FOSL2: variants seen among roughly 807,000 people sequenced by gnomAD.
FOSL2 encodes the protein FOS like 2, AP-1 transcription factor subunit.
Under a neutral mutation model 27.7 loss-of-function variants are expected in FOSL2, and 3 were observed. That is an observed-to-expected ratio of 0.11 (90% CI 0.05 to 0.28). The LOEUF (loss-of-function observed/expected upper bound fraction) is 0.28, where lower values mean the gene tolerates loss of function less well. FOSL2 is among the 10% of genes least tolerant of loss of function. FOSL2 has a pLI of 1.00. For missense variants in FOSL2, 333 were observed against 445.1 expected, an observed-to-expected ratio of 0.75 and a Z score of 2.27; for synonymous variants, 179 against 190.1, an observed-to-expected ratio of 0.94 and a Z score of 0.48.
intron 1 of FOSL2, among the ~76,000 whole-genome samples, chr2:28,396,015 A>G (rs1663826754): frequency 6.6e-6 from 1 of 152,122 alleles, no homozygotes; most frequent in South Asian, 2.1e-4. Flanking sequence ...ACCTGTAATC[A>G]CTTTATTTCT....
chr2:28,403,807 C>T (rs964632628), intron 1 of FOSL2, among the ~76,000 whole-genome samples: 1 of 152,160 alleles, frequency 6.6e-6, no homozygotes, highest in Non-Finnish European at 1.5e-5. Context: ...CTGGGGACCA[C>T]GTCTATCTTG....
Position 28,413,817 on chromosome 2 carries a change from G to A in FOSL2, c.*1369G>A. ...AACAGCTGGCCTGAGCTGTCGCTGTGGCTTGTGGCTCATGCGCCATTCCTG... is the reference window on the plus strand; with the variant it reads ...AACAGCTGGCCTGAGCTGTCGCTGTAGCTTGTGGCTCATGCGCCATTCCTG... On this transcript the variant is annotated 3_prime_UTR_variant, in exon 4 of 4. Coordinates refer to ENST00000264716, the MANE Select transcript of FOSL2 (RefSeq NM_005253.4). 2.5e-6 allele frequency: 1 copy of A among 398,960 alleles called. No homozygotes were observed. The highest frequency in any genetic ancestry group is 3.6e-5 in the East Asian group (1 of 28,090). 24.7% of individuals were successfully genotyped at this position (398,960 alleles called of 1,614,324 possible). A position where few individuals can be genotyped will look rare whatever the true frequency, so the allele number is the denominator to read the frequency against.
intron 1 of FOSL2, chr2:28,396,805 C>CACACACACACACACACAA (rs1553376537): frequency 5.1e-4 from 76 of 149,124 alleles, no homozygotes; most frequent in African/African-American, 1.8e-3. Context: ...CACACACACA[C>CACACACACACACACACAA]ACACACACAC....
intron 2 of FOSL2, among the ~76,000 whole-genome samples, chr2:28,405,068 A>G (rs1664048860): frequency 6.6e-6 from 1 of 151,990 alleles, no homozygotes; most frequent in Admixed American, 6.5e-5. Context: ...GAAAATGGGG[A>G]AGGGGGGGCT....
At chr2:28,397,157 G>A (rs747023924) in intron 1 of FOSL2, 23 of 151,868 alleles carry the variant, frequency 1.5e-4, no homozygotes, top group Non-Finnish European at 2.5e-4. Flanking sequence ...AATAAAACCT[G>A]GTTAAAAAAG....
At position 28,393,484 on chromosome 2, in the gene FOSL2, C is replaced by T; in HGVS notation, c.-237C>T. The T allele has an allele frequency of 2.0e-6, 1 of 491,224 alleles. No homozygotes were observed. The highest frequency in any genetic ancestry group is 3.6e-6 in the Non-Finnish European group (1 of 276,800). 30.4% of individuals were successfully genotyped at this position (491,224 alleles called of 1,614,324 possible). On this transcript the variant is annotated 5_prime_UTR_variant, in exon 1 of 4. Transcript: ENST00000264716. This position sits in a 1 kb window ranked among gnomAD's most constrained non-coding sequence, Gnocchi z 4.6. Reference sequence around the variant, plus strand: ...GGAGGGATCGGGTGGACAACTGGTCCCGCGGCGCTCGCAGAGCCGGAAAGA... The same window carrying T: ...GGAGGGATCGGGTGGACAACTGGTCTCGCGGCGCTCGCAGAGCCGGAAAGA...
chr2:28,404,007 C>A lies in FOSL2; in HGVS notation c.103-100C>A. The stretch of plus-strand genomic sequence containing the variant: ...CCTTGCCCTTCGAACACTGACTGTG[C>A]TCTGTGCTGGTTTTTGCCTCAGCTC... On this transcript the variant is annotated intron_variant, in intron 1 of 3. Coordinates refer to ENST00000264716, the MANE Select transcript of FOSL2 (RefSeq NM_005253.4). This position sits in a 1 kb window ranked among gnomAD's most constrained non-coding sequence, Gnocchi z 4.7. 1 of 1,412,216 alleles carries A rather than the reference C, an allele frequency of 7.1e-7. No homozygotes were observed. Among genetic ancestry groups the A allele is most frequent in the Non-Finnish European group, 9.8e-7 (1 of 1,020,764 alleles). The allele number at this position is 1,412,216 out of a possible 1,614,324, so 87.5% of individuals were successfully genotyped here. A position where few individuals can be genotyped will look rare whatever the true frequency, so the allele number is the denominator to read the frequency against.
In FOSL2 at chr2:28,412,223, T is replaced by C; in HGVS notation, c.756T>C (p.Ala252=). 1 of 1,613,624 alleles carries C rather than the reference T, an allele frequency of 6.2e-7. No individual in the cohort carries two copies. Among genetic ancestry groups the C allele is most frequent in the Non-Finnish European group, 8.5e-7 (1 of 1,179,896 alleles). The change falls in exon 4 of 4, where the codon GCT becomes GCC. Residue 252 remains alanine (A), a synonymous_variant. Coordinates refer to ENST00000264716, the MANE Select transcript of FOSL2 (RefSeq NM_005253.4). This position sits in a 1 kb window ranked among gnomAD's most constrained non-coding sequence, Gnocchi z 7.1. ...QRSVIKPISI[A]GGFYGEEPLH... ...CTGTCATCAAGCCCATCAGCATTGC[T>C]GGGGGCTTCTACGGTGAGGAGCCCC...
chr2:28,393,764 G>A lies in FOSL2; in HGVS notation c.44G>A (p.Gly15Asp). 6.2e-7 allele frequency: 1 copy of A among 1,609,836 alleles called. No homozygotes were observed. The change falls in exon 1 of 4, where the codon GGC becomes GAC. Residue 15 changes from glycine (G) to aspartate (D), a missense_variant. This residue lies in a region of FOSL2 where 131 missense variants were observed against 157.9 expected (regional missense o/e 0.83). Coordinates refer to ENST00000264716, the MANE Select transcript of FOSL2 (RefSeq NM_005253.4). The surrounding 1 kb of genome is among the most constrained non-coding windows in gnomAD (Gnocchi z 4.6). ...GGGAACTTTGACACCTCGTCCCGGG[G>A]CAGCAGCGGCTCTCCTGCGCACGCC... is the stretch of plus-strand genomic sequence containing the variant. ...YPGNFDTSSR[G>D]SSGSPAHAES...
At chr2:28,396,839 A>ACAC (rs1558564686) in intron 1 of FOSL2, 26 of 75,178 alleles carry the variant, frequency 3.5e-4, no homozygotes, top group South Asian at 3.0e-3. Context: ...CACACACACA[A>ACAC]AATTCCCCAG....
At chr2:28,394,291 C>G (rs1663759917) in intron 1 of FOSL2, among the ~76,000 whole-genome samples, 1 of 152,164 alleles carries the variant, frequency 6.6e-6, no homozygotes, top group African/African-American at 2.4e-5. Context: ...AGTCATAACT[C>G]CTTTCTGAAA....
chr2:28,410,936 G>T (rs996299660), intron 3 of FOSL2, among the ~76,000 whole-genome samples: 1 of 152,194 alleles, frequency 6.6e-6, no homozygotes, highest in East Asian at 1.9e-4. Flanking sequence ...ATCACCTGAG[G>T]TCAGAAGTTC....
Position 28,412,565 on chromosome 2 carries a change from G to A in FOSL2, c.*117G>A. 1 of 1,249,212 alleles carries A rather than the reference G, an allele frequency of 8.0e-7. No individual in the cohort carries two copies. Among genetic ancestry groups the A allele is most frequent in the African/African-American group, 1.5e-5 (1 of 66,748 alleles). 77.4% of individuals were successfully genotyped at this position (1,249,212 alleles called of 1,614,324 possible). A position where few individuals can be genotyped will look rare whatever the true frequency, so the allele number is the denominator to read the frequency against. On this transcript the variant is annotated 3_prime_UTR_variant, in exon 4 of 4. Transcript: ENST00000264716. The surrounding 1 kb of genome is among the most constrained non-coding windows in gnomAD (Gnocchi z 7.1). ...GGCAAGAGGGGGACCTGCCACCAGGGAGCTTCCTGGCTCTGGGGGACCCAG... is the reference window on the plus strand; with the variant it reads ...GGCAAGAGGGGGACCTGCCACCAGGAAGCTTCCTGGCTCTGGGGGACCCAG...
At position 28,408,321 on chromosome 2, in the gene FOSL2, G is replaced by A. The variant is rs1348438054; in HGVS notation, c.355-438G>A. Among the ~76,000 whole-genome samples the A allele has an allele frequency of 6.6e-6, 1 of 152,220 alleles. No homozygotes were observed. The highest frequency in any genetic ancestry group is 1.5e-5 in the Non-Finnish European group (1 of 68,042). Reference sequence around the variant, plus strand: ...GCTTGCAGAGCAGGCAGAGTGATGGGAGGAGAAATTAGCCAGGGTTTGGAA... The same window carrying A: ...GCTTGCAGAGCAGGCAGAGTGATGGAAGGAGAAATTAGCCAGGGTTTGGAA... On this transcript the variant is annotated intron_variant, in intron 2 of 3. Transcript: ENST00000264716. This position sits in a 1 kb window ranked among gnomAD's most constrained non-coding sequence, Gnocchi z 4.1.
At chr2:28,409,348 C>A (rs982181719) in intron 3 of FOSL2, among the ~76,000 whole-genome samples, 2 of 152,172 alleles carry the variant, frequency 1.3e-5, no homozygotes, top group African/African-American at 4.8e-5. Flanking sequence ...GGAGATAGGT[C>A]ACGTGGCAGC....
Position 28,413,748 on chromosome 2 carries a change from C to G in FOSL2, c.*1300C>G, listed in dbSNP as rs1389591548. 1.3e-5 allele frequency: 5 copies of G among 398,960 alleles called. No homozygotes were observed. Among genetic ancestry groups the G allele is most frequent in the Non-Finnish European group, 2.2e-5 (5 of 226,368 alleles). 24.7% of individuals were successfully genotyped at this position (398,960 alleles called of 1,614,324 possible). Reference sequence around the variant, plus strand: ...CTTTCTCTTTTACACTCCCCTGTCCCCACCCCAGTGCACTCTTCTGGCCCA... The same window carrying G: ...CTTTCTCTTTTACACTCCCCTGTCCGCACCCCAGTGCACTCTTCTGGCCCA... On this transcript the variant is annotated 3_prime_UTR_variant, in exon 4 of 4. Transcript: ENST00000264716.
rs552589697 is a variant in FOSL2, at chr2:28,413,304, C to T, written c.*856C>T. ...ACGGGTGTCCTAGCCAGCTTCCCTTCACCTGGTGTCTTGAGTAGGGCGTCT... is the reference window on the plus strand; with the variant it reads ...ACGGGTGTCCTAGCCAGCTTCCCTTTACCTGGTGTCTTGAGTAGGGCGTCT... On this transcript the variant is annotated 3_prime_UTR_variant, in exon 4 of 4. Transcript: ENST00000264716. 1.5e-5 allele frequency: 6 copies of T among 395,934 alleles called. No individual in the cohort carries two copies. The Admixed American group carries it at 2.6e-4, about 17-fold the overall frequency. 24.5% of individuals were successfully genotyped at this position (395,934 alleles called of 1,614,324 possible).
Position 28,404,025 on chromosome 2 carries a change from C to T in FOSL2, c.103-82C>T. The stretch of plus-strand genomic sequence containing the variant: ...GACTGTGCTCTGTGCTGGTTTTTGC[C>T]TCAGCTCTGTTCAATTATTATTAAC... On this transcript the variant is annotated intron_variant, in intron 1 of 3. Coordinates refer to ENST00000264716, the MANE Select transcript of FOSL2 (RefSeq NM_005253.4). This position sits in a 1 kb window ranked among gnomAD's most constrained non-coding sequence, Gnocchi z 4.7. 6.5e-7 allele frequency: 1 copy of T among 1,539,956 alleles called. No individual in the cohort carries two copies. The highest frequency in any genetic ancestry group is 2.2e-5 in the East Asian group (1 of 44,478).
At position 28,396,813 on chromosome 2, in the gene FOSL2, C is replaced by CACACACACACACACACACACACACAA. The variant is rs1558564643; in HGVS notation, c.102+2993_102+3018dup. 2.5e-3 allele frequency: 366 copies of CACACACACACACACACACACACACAA among 148,478 alleles called. 2 individuals carry two copies. Among genetic ancestry groups the CACACACACACACACACACACACACAA allele is most frequent in the African/African-American group, 8.8e-3 (336 of 38,068 alleles). 9.2% of individuals were successfully genotyped at this position (148,478 alleles called of 1,614,324 possible). ...AGACACACACACACACACACACACA[C>CACACACACACACACACACACACACAA]ACACACACACACACACACACACACA... is the stretch of plus-strand genomic sequence containing the variant. On this transcript the variant is annotated intron_variant, in intron 1 of 3. Coordinates refer to ENST00000264716, the MANE Select transcript of FOSL2 (RefSeq NM_005253.4).
Sources: allele counts gnomAD v4.1 joint callset (sites outside exome capture counted in the v4.1 genomes callset), GRCh38; gene constraint gnomAD v4.1.1; regional missense constraint gnomAD v4.1.1; non-coding constraint Gnocchi (gnomAD v3.1); transcripts MANE v1.5; gene names NCBI Gene and HGNC (gene_info 2026-07-23, HGNC 2026-07-21).